FUT9: variants seen among roughly 807,000 people sequenced by gnomAD.
FUT9 encodes fucosyltransferase 9.
FUT9 carries 15 observed loss-of-function variants against 29.7 expected under a neutral mutation model. That is an observed-to-expected ratio of 0.51 (90% confidence interval 0.34 to 0.78). FUT9 has a LOEUF of 0.78. Among genes scored for constraint, FUT9 ranks in the 30% least tolerant of loss-of-function variants. FUT9 has a pLI of 0.01. For missense variants in FUT9, 319 were observed against 425.4 expected, an observed-to-expected ratio of 0.75 and a Z score of 2.20; for synonymous variants, 169 against 153.7, an observed-to-expected ratio of 1.10 and a Z score of -0.74.
Position 96,206,172 on chromosome 6 carries a change from C to T in FUT9, c.*1937C>T, listed in dbSNP as rs1025809197. The T allele has an allele frequency of 1.8e-5, 3 of 166,994 alleles. No individual in the cohort carries two copies. Among genetic ancestry groups the T allele is most frequent in the Non-Finnish European group, 4.4e-5 (3 of 68,108 alleles). 10.3% of individuals were successfully genotyped at this position (166,994 alleles called of 1,614,324 possible). A position where few individuals can be genotyped will look rare whatever the true frequency, so the allele number is the denominator to read the frequency against. On this transcript the variant is annotated 3_prime_UTR_variant, in exon 3 of 3. Coordinates refer to ENST00000302103, the MANE Select transcript of FUT9 (RefSeq NM_006581.4). ...ATGGGGAAAAAAAGTAGAAAATTTC[C>T]CCAATTGCTTAGCTGTTTGACATGT...
At chr6:96,084,056 A>G (rs924117786) in intron 1 of FUT9, among the ~76,000 whole-genome samples, 2 of 152,070 alleles carry the variant, frequency 1.3e-5, no homozygotes, top group African/African-American at 4.8e-5. Flanking sequence ...TTGAGTAGAT[A>G]TTTAGTTGAG....
intron 1 of FUT9, among the ~76,000 whole-genome samples, chr6:96,095,879 C>T (rs889926231): frequency 6.6e-6 from 1 of 152,066 alleles, no homozygotes; most frequent in African/African-American, 2.4e-5. Flanking sequence ...TTTACCTCAT[C>T]GGTAAAAATA....
intron 1 of FUT9, among the ~76,000 whole-genome samples, chr6:96,037,707 GA>G (rs1182857010): frequency 2.6e-4 from 40 of 151,714 alleles, no homozygotes; most frequent in Middle Eastern, 3.4e-3. Flanking sequence ...TGTTAAAAAA[GA>G]AAAAAAGACC....
intron 2 of FUT9, among the ~76,000 whole-genome samples, 166 bp from the exon 3 acceptor site, chr6:96,202,982 G>C (rs1773755158): frequency 6.6e-6 from 1 of 152,104 alleles, no homozygotes; most frequent in Non-Finnish European, 1.5e-5. Flanking sequence ...TTGGCTTTGA[G>C]GAAAGTTCTG....
At chr6:96,017,257 A>C (rs1769996807) in intron 1 of FUT9, among the ~76,000 whole-genome samples, 1 of 152,194 alleles carries the variant, frequency 6.6e-6, no homozygotes, top group Non-Finnish European at 1.5e-5. Context: ...GCGATATAGG[A>C]GGATTAGAAA....
chr6:96,090,931 T>C (rs1016505165), intron 1 of FUT9, among the ~76,000 whole-genome samples: 5 of 152,142 alleles, frequency 3.3e-5, no homozygotes, highest in Admixed American at 6.6e-5. Context: ...AAAATTTGAA[T>C]GCCGCTAACA....
intron 2 of FUT9, among the ~76,000 whole-genome samples, chr6:96,119,409 C>G (rs1473519039): frequency 6.6e-6 from 1 of 152,164 alleles, no homozygotes; most frequent in Non-Finnish European, 1.5e-5. Flanking sequence ...GCAATACCAT[C>G]TAGGTTTGTG....
At chr6:96,056,774 C>A (rs954669337) in intron 1 of FUT9, among the ~76,000 whole-genome samples, 1 of 151,982 alleles carries the variant, frequency 6.6e-6, no homozygotes, top group Non-Finnish European at 1.5e-5. Flanking sequence ...AAAACCTAAG[C>A]TTTTAAAATT....
chr6:96,073,372 C>T (rs761233593), intron 1 of FUT9, among the ~76,000 whole-genome samples: 8 of 151,642 alleles, frequency 5.3e-5, no homozygotes, highest in Non-Finnish European at 8.8e-5. Flanking sequence ...TCGCTTGAAC[C>T]CAGGAGGCTG....
At chr6:96,085,564 G>A (rs1393277678) in intron 1 of FUT9, among the ~76,000 whole-genome samples, 4 of 152,060 alleles carry the variant, frequency 2.6e-5, no homozygotes, top group African/African-American at 9.7e-5. Flanking sequence ...CAAAATATAA[G>A]TTCCCTGGGA....
At chr6:96,072,081 C>T (rs1275971572) in intron 1 of FUT9, among the ~76,000 whole-genome samples, 1 of 152,104 alleles carries the variant, frequency 6.6e-6, no homozygotes, top group Non-Finnish European at 1.5e-5. Flanking sequence ...AAGACCTTAT[C>T]TCTATTTAAG....
chr6:96,085,900 C>T (rs1199403484), intron 1 of FUT9, among the ~76,000 whole-genome samples: 1 of 152,134 alleles, frequency 6.6e-6, no homozygotes, highest in African/African-American at 2.4e-5. Flanking sequence ...CCAACTGACA[C>T]AAACAACATT....
At chr6:96,020,723 T>C (rs2127920891) in intron 1 of FUT9, 1 of 152,210 alleles carries the variant, frequency 6.6e-6, no homozygotes, top group African/African-American at 2.4e-5. Flanking sequence ...CAACACTATA[T>C]TATCTAAACG....
chr6:96,203,990 A>C lies in FUT9; in HGVS notation c.835A>C (p.Asn279His). 6.2e-7 allele frequency: 1 copy of C among 1,612,412 alleles called. No individual in the cohort carries two copies. The highest frequency in any genetic ancestry group is 1.3e-5 in the African/African-American group (1 of 74,892). Residue 279 changes from asparagine to histidine, a missense_variant, in exon 3 of 3, where the codon AAT (asparagine) becomes CAT (histidine). Physicochemically the swap from Asn to His is moderately conservative, Grantham distance 68 (BLOSUM62 1). Transcript: ENST00000302103. ...GGGACCATCTAGGGAAAACTATGAG[A>C]ATTATATTCCAGCAGATTCATTCAT... ...VLGPSRENYENYIPADSFIHV... is the reference protein window; with the variant it reads ...VLGPSRENYEHYIPADSFIHV...
At chr6:96,166,925 A>C (rs141492582) in intron 2 of FUT9, among the ~76,000 whole-genome samples, 414 of 152,302 alleles carry the variant, frequency 2.7e-3, no homozygotes, top group African/African-American at 8.8e-3. Context: ...TTAGGGAATA[A>C]TGATAAGGAA....
Position 96,207,080 on chromosome 6 carries a change from G to A in FUT9, c.*2845G>A. 3 of 167,036 alleles carry A rather than the reference G, an allele frequency of 1.8e-5. No homozygotes were observed. The allele number at this position is 167,036 out of a possible 1,614,324, so 10.3% of individuals were successfully genotyped here. A position where few individuals can be genotyped will look rare whatever the true frequency, so the allele number is the denominator to read the frequency against. On this transcript the variant is annotated 3_prime_UTR_variant, in exon 3 of 3. Coordinates refer to ENST00000302103, the MANE Select transcript of FUT9 (RefSeq NM_006581.4). ...ACTCAATGGAACCCTTTAGCTGTGG[G>A]TCCATTGATGTGTGAGTTTTAGAGC...
chr6:96,083,501 T>G (rs1771270480), intron 1 of FUT9, among the ~76,000 whole-genome samples: 1 of 152,058 alleles, frequency 6.6e-6, no homozygotes, highest in South Asian at 2.1e-4. Context: ...TGATCACAGG[T>G]CACCTAGTTC....
intron 2 of FUT9, among the ~76,000 whole-genome samples, chr6:96,168,199 T>C (rs1773048480): frequency 6.6e-6 from 1 of 152,202 alleles, no homozygotes; most frequent in African/African-American, 2.4e-5. Flanking sequence ...TTTTCATGAA[T>C]TTGAGATGTC....
chr6:96,035,350 C>A (rs982160994), intron 1 of FUT9, among the ~76,000 whole-genome samples: 11 of 151,370 alleles, frequency 7.3e-5, no homozygotes, highest in Non-Finnish European at 1.0e-4. Context: ...AAATTATTTA[C>A]TCCCCTGTTT....
Sources: allele counts gnomAD v4.1 joint callset (sites outside exome capture counted in the v4.1 genomes callset), GRCh38; gene constraint gnomAD v4.1.1; transcripts MANE v1.5; gene names NCBI Gene and HGNC (gene_info 2026-07-23, HGNC 2026-07-21).